Variants in PHACTR1 observed in about 807,000 individuals in gnomAD.
PHACTR1 encodes phosphatase and actin regulator 1, also known as RPEL repeat containing 1.
In PHACTR1, 16 loss-of-function variants were observed where a neutral mutation model predicts 69.2. That is an observed-to-expected ratio of 0.23 (90% CI 0.16 to 0.35). The LOEUF (loss-of-function observed/expected upper bound fraction) is 0.35. PHACTR1 is among the 10% of genes least tolerant of loss of function. The pLI, the probability that PHACTR1 is intolerant of heterozygous loss-of-function variation, is 1.00. For synonymous variants in PHACTR1, 312 were observed against 284.5 expected (o/e 1.10, Z -0.97); for missense variants, 510 against 734.7 (o/e 0.69, Z 3.54).
At chr6:12,966,272 G>A (rs924341030) in intron 4 of PHACTR1, among the ~76,000 whole-genome samples, 2 of 152,186 alleles carry the variant, frequency 1.3e-5, no homozygotes, top group Admixed American at 6.5e-5. Flanking sequence ...AAATGCTGCT[G>A]AGAGACTCTT....
At chr6:12,746,058 A>G (rs1423266553) in intron 3 of PHACTR1, among the ~76,000 whole-genome samples, 1 of 152,218 alleles carries the variant, frequency 6.6e-6, no homozygotes, top group African/African-American at 2.4e-5. Flanking sequence ...AGTCCTTTGT[A>G]TAGGGTAACA....
At position 13,261,907 on chromosome 6, in the gene PHACTR1, A is replaced by G. The variant is rs1374669804; in HGVS notation, c.1392-10953A>G. ...CAAATCTGGAAGGAACCAAGAAGAG[A>G]TCATTCTGGGTGAAGGACAGAATGG... is the stretch of plus-strand genomic sequence containing the variant. On this transcript the variant is annotated intron_variant, in intron 10 of 14. Coordinates refer to ENST00000332995, the MANE Select transcript of PHACTR1 (RefSeq NM_030948.6). 2.0e-5 allele frequency among the ~76,000 whole-genome samples: 3 copies of G among 152,218 alleles called. 1 individual carries two copies. In the South Asian group the frequency reaches 6.2e-4, roughly 32 times the overall value.
chr6:13,146,484 A>C (rs1340392011), intron 5 of PHACTR1, among the ~76,000 whole-genome samples: 1 of 152,214 alleles, frequency 6.6e-6, no homozygotes, highest in African/African-American at 2.4e-5. Context: ...TAAGAATGTA[A>C]AACCTGACTA....
At chr6:13,181,401 C>G (rs1762161954) in intron 6 of PHACTR1, among the ~76,000 whole-genome samples, 1 of 152,200 alleles carries the variant, frequency 6.6e-6, no homozygotes, top group Non-Finnish European at 1.5e-5. Flanking sequence ...CTGTTTCTGA[C>G]TCGGCAGAAC....
intron 5 of PHACTR1, among the ~76,000 whole-genome samples, chr6:13,064,649 A>T (rs1808340818): frequency 1.6e-5 from 2 of 123,404 alleles, no homozygotes; most frequent in African/African-American, 3.2e-5. Context: ...TGGAGGATTC[A>T]CCACCAGACC....
chr6:12,749,923 T>A (rs1467267180), intron 4 of PHACTR1, 133 bp downstream of exon 4: 1 of 819,718 alleles, frequency 1.2e-6, no homozygotes, highest in Admixed American at 3.1e-5. Context: ...GCGCTCTTTG[T>A]GTCTCCGGTG....
intron 4 of PHACTR1, among the ~76,000 whole-genome samples, chr6:13,025,186 T>A (rs1279490531): frequency 6.6e-6 from 1 of 151,846 alleles, no homozygotes; most frequent in Non-Finnish European, 1.5e-5. Flanking sequence ...GCTGGGGAGG[T>A]TGAGGCTGCA....
intron 10 of PHACTR1, among the ~76,000 whole-genome samples, chr6:13,256,382 A>G (rs986209902): frequency 6.6e-6 from 1 of 152,224 alleles, no homozygotes; most frequent in South Asian, 2.1e-4. Context: ...TGTCTTGGCT[A>G]TTAGCACTTA....
chr6:13,108,200 G>C (rs1023184773), intron 5 of PHACTR1, among the ~76,000 whole-genome samples: 6 of 151,782 alleles, frequency 4.0e-5, no homozygotes, highest in Non-Finnish European at 8.8e-5. Flanking sequence ...AATATTTTTG[G>C]TTTTGATTTC....
chr6:12,930,853 C>A, intron 4 of PHACTR1, among the ~76,000 whole-genome samples: 1 of 151,938 alleles, frequency 6.6e-6, no homozygotes, highest in East Asian at 1.9e-4. Context: ...GAGTTCGAGA[C>A]CAGCCTGACC....
intron 4 of PHACTR1, among the ~76,000 whole-genome samples, chr6:12,811,521 A>C (rs952971767): frequency 3.3e-5 from 5 of 152,228 alleles, no homozygotes; most frequent in African/African-American, 1.2e-4. Context: ...TGAACTGTGC[A>C]CTTAAGATTA....
chr6:13,133,689 G>A (rs547648028), intron 5 of PHACTR1, among the ~76,000 whole-genome samples: 1 of 152,106 alleles, frequency 6.6e-6, no homozygotes, highest in African/African-American at 2.4e-5. Flanking sequence ...CCAAAGTGCC[G>A]AGATTGCAGC....
intron 12 of PHACTR1, chr6:13,279,908 T>G (rs971413630): frequency 1.8e-4 from 27 of 150,514 alleles, no homozygotes; most frequent in African/African-American, 5.4e-4. Flanking sequence ...CTTTCATTTC[T>G]GATACAGAAA....
chr6:13,083,742 T>A (rs1811795458), intron 5 of PHACTR1, among the ~76,000 whole-genome samples: 1 of 152,206 alleles, frequency 6.6e-6, no homozygotes, highest in Non-Finnish European at 1.5e-5. Context: ...TTTGGCTCTC[T>A]GTTTGTCTGT....
intron 5 of PHACTR1, among the ~76,000 whole-genome samples, chr6:13,116,600 A>G (rs1156713525): frequency 1.3e-5 from 2 of 152,138 alleles, no homozygotes; most frequent in African/African-American, 2.4e-5. Flanking sequence ...GCAGGGTTCT[A>G]TTTCTTATTT....
At chr6:13,268,348 C>T (rs963053699) in intron 10 of PHACTR1, among the ~76,000 whole-genome samples, 1 of 152,216 alleles carries the variant, frequency 6.6e-6, no homozygotes, top group African/African-American at 2.4e-5. Context: ...CATCAGTTTG[C>T]AACCTCTGAC....
chr6:13,181,700 G>T (rs1156701008), intron 6 of PHACTR1, among the ~76,000 whole-genome samples: 5 of 152,112 alleles, frequency 3.3e-5, no homozygotes, highest in African/African-American at 1.2e-4. Context: ...AGTGGCTGCA[G>T]CCTGTTAGGT....
chr6:13,184,868 T>C, intron 7 of PHACTR1: 1 of 1,366,574 alleles, frequency 7.3e-7, no homozygotes, highest in African/African-American at 1.5e-5. Context: ...GCCAAACCAG[T>C]CCTGCTACTG....
chr6:12,790,558 T>G (rs1391071078), intron 4 of PHACTR1, among the ~76,000 whole-genome samples: 3 of 152,246 alleles, frequency 2.0e-5, no homozygotes, highest in Non-Finnish European at 4.4e-5. Context: ...TGTAAGCTCC[T>G]TTAGACCAGT....
Sources: gnomAD v4.1 joint callset for allele counts (sites outside exome capture counted in the v4.1 genomes callset) on GRCh38, gnomAD v4.1.1 for gene constraint, MANE v1.5 for transcripts, NCBI Gene and HGNC (gene_info 2026-07-23, HGNC 2026-07-21) for gene names.